Variants in BARD1 observed in about 807,000 individuals in gnomAD.
The protein encoded by BARD1 is BRCA1 associated RING domain 1.
Under a neutral mutation model 77.0 loss-of-function variants are expected in BARD1, and 73 were observed. That is an observed-to-expected ratio of 0.95 (90% CI 0.79 to 1.15). BARD1 has a LOEUF of 1.15. Among genes scored for constraint, BARD1 ranks in the 50% most tolerant of loss-of-function variants. The pLI is 0.00. For synonymous variants in BARD1, 384 were observed against 338.0 expected (o/e 1.14, Z -1.49); for missense variants, 993 against 938.8 (o/e 1.06, Z -0.75).
intron 3 of BARD1, among the ~76,000 whole-genome samples, chr2:214,790,106 T>C (rs186913888): frequency 2.0e-5 from 3 of 152,192 alleles, no homozygotes; most frequent in Admixed American, 2.0e-4. Flanking sequence ...GATTCAAACA[T>C]CACTAGCTAG....
intron 9 of BARD1, among the ~76,000 whole-genome samples, chr2:214,731,984 C>T (rs1692376332): frequency 1.3e-5 from 2 of 152,184 alleles, no homozygotes; most frequent in Admixed American, 1.3e-4. Context: ...CAGAGTTACA[C>T]ATAGTTTTGA....
rs1434287864 is a variant in BARD1, at chr2:214,781,080, G to C, written c.794C>G (p.Ser265Cys). 1 of 1,595,672 alleles carries C rather than the reference G, an allele frequency of 6.3e-7. No homozygotes were observed. The highest frequency in any genetic ancestry group is 1.8e-5 in the Admixed American group (1 of 56,458). The change falls in exon 4 of 11, where the codon TCC (serine) becomes TGC (cysteine). Residue 265 changes from serine to cysteine, a missense_variant. By Grantham distance (112) the Ser-to-Cys change is moderately radical. Transcript: ENST00000260947. Reference protein sequence around the residue: ...NGEIDLLASGSLTESECFGSL... With the variant: ...NGEIDLLASGCLTESECFGSL... ...TCCAAAACATTCAGATTCTGTCAAGGAGCCACTTGCTAGTAAGTCTATTTC... is the reference window on the plus strand; with the variant it reads ...TCCAAAACATTCAGATTCTGTCAAGCAGCCACTTGCTAGTAAGTCTATTTC...
At chr2:214,777,641 C>G (rs926417612) in intron 4 of BARD1, among the ~76,000 whole-genome samples, 4 of 152,098 alleles carry the variant, frequency 2.6e-5, no homozygotes, top group Non-Finnish European at 4.4e-5. Flanking sequence ...CAGCACAAAA[C>G]CTGGTCCTTC....
chr2:214,780,419 G>C, intron 4 of BARD1, 141 bp downstream of exon 4: 1 of 750,972 alleles, frequency 1.3e-6, no homozygotes, highest in South Asian at 1.7e-5. Context: ...CTATGAATCT[G>C]GCTTCTCTGG....
chr2:214,764,580 G>A (rs552219317), intron 6 of BARD1, among the ~76,000 whole-genome samples: 1 of 152,168 alleles, frequency 6.6e-6, no homozygotes, highest in Non-Finnish European at 1.5e-5. Context: ...TGTGAAGACC[G>A]ATGAGAACAG....
chr2:214,771,597 A>T (rs13391066), intron 4 of BARD1, among the ~76,000 whole-genome samples: 3 of 151,538 alleles, frequency 2.0e-5, no homozygotes, highest in African/African-American at 7.3e-5. Context: ...GCATGGTGGT[A>T]CACGCCTGTA....
intron 3 of BARD1, among the ~76,000 whole-genome samples, chr2:214,790,726 A>C (rs1695475515): frequency 6.6e-6 from 1 of 152,162 alleles, no homozygotes; most frequent in South Asian, 2.1e-4. Flanking sequence ...TAGCACTCCA[A>C]ATTTCAGTGC....
intron 10 of BARD1, chr2:214,730,182 T>C: frequency 1.8e-6 from 1 of 544,938 alleles, no homozygotes; most frequent in South Asian, 2.1e-5. Flanking sequence ...TTCTGAAAGG[T>C]TTATGGCAAT....
intron 2 of BARD1, among the ~76,000 whole-genome samples, chr2:214,795,855 T>A (rs1470734979): frequency 6.6e-6 from 1 of 152,124 alleles, no homozygotes; most frequent in African/African-American, 2.4e-5. Context: ...AAAATGCCTT[T>A]TCTTTCATCA....
intron 4 of BARD1, among the ~76,000 whole-genome samples, chr2:214,779,806 A>T (rs1291124693): frequency 6.6e-6 from 1 of 152,196 alleles, no homozygotes; most frequent in Non-Finnish European, 1.5e-5. Context: ...TTTAGTACTA[A>T]GGTCTACCAT....
chr2:214,736,873 A>G (rs1156569491), intron 9 of BARD1, among the ~76,000 whole-genome samples: 1 of 152,142 alleles, frequency 6.6e-6, no homozygotes, highest in Non-Finnish European at 1.5e-5. Context: ...TGATTGAGTT[A>G]AACAAATACA....
At chr2:214,791,115 G>A (rs1330663021) in intron 3 of BARD1, among the ~76,000 whole-genome samples, 1 of 152,038 alleles carries the variant, frequency 6.6e-6, no homozygotes, top group Non-Finnish European at 1.5e-5. Context: ...AAATGTGTGT[G>A]TATAGTTACA....
chr2:214,784,925 A>C (rs1234700931), intron 3 of BARD1, among the ~76,000 whole-genome samples: 1 of 152,086 alleles, frequency 6.6e-6, no homozygotes, highest in African/African-American at 2.4e-5. Context: ...TACCTAATGT[A>C]CATGACAGGT....
intron 4 of BARD1, among the ~76,000 whole-genome samples, chr2:214,776,770 T>G (rs1694754959): frequency 6.6e-6 from 1 of 152,190 alleles, no homozygotes; most frequent in African/African-American, 2.4e-5. Flanking sequence ...TGTAATTAAG[T>G]GGACACACCT....
chr2:214,766,043 C>T (rs574969515), intron 6 of BARD1, among the ~76,000 whole-genome samples: 1 of 152,200 alleles, frequency 6.6e-6, no homozygotes, highest in Non-Finnish European at 1.5e-5. Flanking sequence ...ATAGAAGCAA[C>T]AAGGGCAGAG....
intron 9 of BARD1, among the ~76,000 whole-genome samples, chr2:214,732,991 T>C (rs11690174): frequency 0.33 from 50,582 of 152,046 alleles, 8,709 homozygotes; most frequent in South Asian, 0.41. Flanking sequence ...ATTCTAATCT[T>C]GTAACTTGAA....
intron 9 of BARD1, among the ~76,000 whole-genome samples, chr2:214,741,694 A>T (rs1232673172): frequency 6.6e-6 from 1 of 152,178 alleles, no homozygotes. Flanking sequence ...TAAAATATAA[A>T]ATAAGTATCA....
chr2:214,803,054 G>C (rs1388097599), intron 1 of BARD1, among the ~76,000 whole-genome samples: 1 of 141,218 alleles, frequency 7.1e-6, no homozygotes, highest in African/African-American at 2.5e-5. Context: ...AACATGTGCT[G>C]TGTCAAACTC....
intron 7 of BARD1, among the ~76,000 whole-genome samples, chr2:214,751,107 GTGTGTGTGTGTATA>G (rs1471163701): frequency 6.7e-3 from 69 of 10,234 alleles, no homozygotes; most frequent in African/African-American, 0.013. Flanking sequence ...GTGTGTGTGT[GTGTGTGTGTGTATA>G]TATATATATA....
Sources: allele counts gnomAD v4.1 joint callset (sites outside exome capture counted in the v4.1 genomes callset), GRCh38; gene constraint gnomAD v4.1.1; transcripts MANE v1.5; gene names NCBI Gene and HGNC (gene_info 2026-07-23, HGNC 2026-07-21).